ZNF264: variants seen among roughly 807,000 people sequenced by gnomAD.
ZNF264 encodes the protein zinc finger protein 264.
ZNF264 carries 11 observed loss-of-function variants against 11.2 expected under a neutral mutation model. The ratio of observed to expected loss-of-function variants is 0.98; its 90% CI spans 0.62 to 1.63. The LOEUF is 1.63. Ranked by LOEUF, ZNF264 falls within the 40% of genes most tolerant of loss-of-function variation. ZNF264 has a pLI of 0.00. For synonymous variants in ZNF264, 309 were observed against 279.8 expected (o/e 1.10, Z -1.04); for missense variants, 752 against 768.1 (o/e 0.98, Z 0.25).
At chr19:57,196,987 A>C (rs1477705799) in intron 2 of ZNF264, among the ~76,000 whole-genome samples, 1 of 151,928 alleles carries the variant, frequency 6.6e-6, no homozygotes, top group Non-Finnish European at 1.5e-5. Flanking sequence ...ACTCTCCTTC[A>C]GGGATGTCCT....
intron 3 of ZNF264, among the ~76,000 whole-genome samples, chr19:57,208,314 G>T (rs1263361605): frequency 6.6e-6 from 1 of 152,168 alleles, no homozygotes; most frequent in Non-Finnish European, 1.5e-5. Flanking sequence ...GGATGCTGAG[G>T]TGGGAGGATT....
In ZNF264 at chr19:57,214,383, AC is replaced by A. The variant is rs1316235687; in HGVS notation, c.*1405del. The stretch of plus-strand genomic sequence containing the variant: ...GTTTGAGACAGGGTCTCGCTCTGTC[AC>A]CCAGGCTGGAGTGCAGTGGCACGAT... On this transcript the variant is annotated 3_prime_UTR_variant, in exon 4 of 4. Coordinates refer to ENST00000263095, the MANE Select transcript of ZNF264 (RefSeq NM_003417.5). 6.6e-6 allele frequency: 1 copy of A among 152,400 alleles called. No homozygotes were observed. Among genetic ancestry groups the A allele is most frequent in the Admixed American group, 6.5e-5 (1 of 15,272 alleles). The allele number at this position is 152,400 out of a possible 1,614,324, so 9.4% of individuals were successfully genotyped here.
At chr19:57,195,853 C>T (rs1181831843) in intron 2 of ZNF264, among the ~76,000 whole-genome samples, 7 of 151,774 alleles carry the variant, frequency 4.6e-5, no homozygotes, top group Non-Finnish European at 1.0e-4. Flanking sequence ...GCATTCCTCC[C>T]TCTGAAACTA....
chr19:57,205,335 A>T (rs903853498), intron 2 of ZNF264, 62 bp from the exon 3 acceptor site: 2 of 1,494,444 alleles, frequency 1.3e-6, no homozygotes, highest in Non-Finnish European at 1.8e-6. Context: ...CCCAAACTAG[A>T]TTGAAGGTCT....
At position 57,191,516 on chromosome 19, in the gene ZNF264, CTG is replaced by C. The variant is rs2122727442; in HGVS notation, c.-396_-395del. 4.9e-6 allele frequency: 1 copy of C among 204,892 alleles called. No individual in the cohort carries two copies. Among genetic ancestry groups the C allele is most frequent in the East Asian group, 1.0e-4 (1 of 9,592 alleles). 12.7% of individuals were successfully genotyped at this position (204,892 alleles called of 1,614,324 possible). On this transcript the variant is annotated 5_prime_UTR_variant, in exon 1 of 4. Coordinates refer to ENST00000263095, the MANE Select transcript of ZNF264 (RefSeq NM_003417.5). The stretch of plus-strand genomic sequence containing the variant: ...GCGGACGCCATTTTCTTCTGCACTT[CTG>C]TCTGGAGAGGTCTGTAGCCACTGAG...
At chr19:57,209,293 AT>A (rs1265594487) in intron 3 of ZNF264, among the ~76,000 whole-genome samples, 2 of 152,088 alleles carry the variant, frequency 1.3e-5, no homozygotes, top group African/African-American at 4.8e-5. Context: ...GGCATTTGAC[AT>A]TTTTTCAGTG....
chr19:57,205,855 C>T (rs955332146), intron 3 of ZNF264, among the ~76,000 whole-genome samples: 1 of 152,194 alleles, frequency 6.6e-6, no homozygotes, highest in Non-Finnish European at 1.5e-5. Context: ...GCTAAGTTAA[C>T]AGTAGCTGCT....
intron 2 of ZNF264, among the ~76,000 whole-genome samples, chr19:57,200,609 T>A (rs943905251): frequency 6.6e-6 from 1 of 151,640 alleles, no homozygotes; most frequent in Non-Finnish European, 1.5e-5. Context: ...TCTCTTTTCC[T>A]TTTCTTTCGT....
In ZNF264 at chr19:57,222,677, A is replaced by C. The variant is rs966407030; in HGVS notation, c.*9696A>C. ...TCACCTTTGTAAAGATGTTATTGCC[A>C]GTTCAGTGTGTATTTCTATAGTATA... is the stretch of plus-strand genomic sequence containing the variant. On this transcript the variant is annotated 3_prime_UTR_variant, in exon 4 of 4. Coordinates refer to ENST00000263095, the MANE Select transcript of ZNF264 (RefSeq NM_003417.5). 1 of 152,102 alleles carries C rather than the reference A, an allele frequency of 6.6e-6. No homozygotes were observed. Among genetic ancestry groups the C allele is most frequent in the African/African-American group, 2.4e-5 (1 of 41,408 alleles). The allele number at this position is 152,102 out of a possible 1,614,324, so 9.4% of individuals were successfully genotyped here. A position where few individuals can be genotyped will look rare whatever the true frequency, so the allele number is the denominator to read the frequency against.
At chr19:57,205,111 A>C (rs992450436) in intron 2 of ZNF264, among the ~76,000 whole-genome samples, 3 of 152,176 alleles carry the variant, frequency 2.0e-5, no homozygotes, top group Non-Finnish European at 4.4e-5. Context: ...ACTTAGATCA[A>C]TGAAATCACA....
rs1030433967 is a variant in ZNF264 at position 57,200,891 on chromosome 19, C to G, written c.161-4506C>G. 2.0e-5 allele frequency among the ~76,000 whole-genome samples: 3 copies of G among 151,644 alleles called. No homozygotes were observed. The East Asian group carries it at 5.8e-4, about 29-fold the overall frequency. On this transcript the variant is annotated intron_variant, in intron 2 of 3. Transcript: ENST00000263095. ...CCTCCCAAAGTGCTGGGATTACAGGCGTGAGCCACCACACCCACCCTTTAC... is the reference window on the plus strand; with the variant it reads ...CCTCCCAAAGTGCTGGGATTACAGGGGTGAGCCACCACACCCACCCTTTAC...
Position 57,193,529 on chromosome 19 carries a change from A to G in ZNF264, c.34-346A>G, listed in dbSNP as rs2087190175. 5 of 985,318 alleles carry G rather than the reference A, an allele frequency of 5.1e-6. No individual in the cohort carries two copies. The South Asian group carries it at 1.4e-4, about 28-fold the overall frequency. 61.0% of individuals were successfully genotyped at this position (985,318 alleles called of 1,614,324 possible). Reference sequence around the variant, plus strand: ...CATGGGGCAGGCACCTAGCTGGACCAGTGAGACTCAGGTACTGCCGTTGTA... The same window carrying G: ...CATGGGGCAGGCACCTAGCTGGACCGGTGAGACTCAGGTACTGCCGTTGTA... On this transcript the variant is annotated intron_variant, in intron 1 of 3. Coordinates refer to ENST00000263095, the MANE Select transcript of ZNF264 (RefSeq NM_003417.5).
chr19:57,192,540 G>A, intron 1 of ZNF264: 2 of 985,304 alleles, frequency 2.0e-6, no homozygotes, highest in South Asian at 9.4e-5. Context: ...AAGTTCTGTC[G>A]GAACCCAGTA....
At chr19:57,194,376 T>G (rs2087197070) in intron 2 of ZNF264, among the ~76,000 whole-genome samples, 1 of 152,170 alleles carries the variant, frequency 6.6e-6, no homozygotes, top group Non-Finnish European at 1.5e-5. Context: ...TTTTTCTGCC[T>G]TAGTGAGTTC....
intron 2 of ZNF264, chr19:57,194,832 T>G (rs2087200577): frequency 2.5e-6 from 1 of 400,090 alleles, no homozygotes; most frequent in East Asian, 3.6e-5. Flanking sequence ...GTTGACACAT[T>G]AATAAAAATC....
intron 3 of ZNF264, among the ~76,000 whole-genome samples, chr19:57,210,012 C>G (rs1323404413): frequency 6.6e-6 from 1 of 152,106 alleles, no homozygotes; most frequent in East Asian, 1.9e-4. Flanking sequence ...GTCCTCTTAC[C>G]TCTTTCCTTA....
rs2087354246 is a variant in ZNF264 at position 57,213,135 on chromosome 19, C to T, written c.*154C>T. The T allele has an allele frequency of 1.5e-6, 1 of 654,448 alleles. No homozygotes were observed. The highest frequency in any genetic ancestry group is 2.8e-5 in the East Asian group (1 of 35,440). The allele number at this position is 654,448 out of a possible 1,614,324, so 40.5% of individuals were successfully genotyped here. ...GGAGAACCTTCAGCTGCATCTTTCT[C>T]CTTAGTTTACAGTGCAATTTTATCT... is the stretch of plus-strand genomic sequence containing the variant. On this transcript the variant is annotated 3_prime_UTR_variant, in exon 4 of 4. Transcript: ENST00000263095.
At position 57,213,370 on chromosome 19, in the gene ZNF264, G is replaced by T; in HGVS notation, c.*389G>T. The T allele has an allele frequency of 5.9e-6, 1 of 168,132 alleles. No homozygotes were observed. Among genetic ancestry groups the T allele is most frequent in the South Asian group, 1.5e-4 (1 of 6,676 alleles). The allele number at this position is 168,132 out of a possible 1,614,324, so 10.4% of individuals were successfully genotyped here. A position where few individuals can be genotyped will look rare whatever the true frequency, so the allele number is the denominator to read the frequency against. ...ATCCAGTGTCAGAACAGTTAGTTTA[G>T]GAAAAGTATGCAAACTTTAATCGCA... On this transcript the variant is annotated 3_prime_UTR_variant, in exon 4 of 4. Coordinates refer to ENST00000263095, the MANE Select transcript of ZNF264 (RefSeq NM_003417.5).
chr19:57,195,676 AT>A (rs752822537), intron 2 of ZNF264, among the ~76,000 whole-genome samples: 7 of 151,708 alleles, frequency 4.6e-5, no homozygotes, highest in Admixed American at 6.6e-5. Context: ...CCTTACCTCC[AT>A]TGTGGAGTAG....
Sources: allele counts gnomAD v4.1 joint callset (sites outside exome capture counted in the v4.1 genomes callset), GRCh38; gene constraint gnomAD v4.1.1; transcripts MANE v1.5; gene names NCBI Gene and HGNC (gene_info 2026-07-23, HGNC 2026-07-21).